The following MCC variants were observed in gnomAD, a reference collection of about 807,000 sequenced individuals.
MCC encodes colorectal mutant cancer protein.
MCC carries 90 observed loss-of-function variants against 116.2 expected under a neutral mutation model. That is an observed-to-expected ratio of 0.77 (90% CI 0.65 to 0.92). The LOEUF (loss-of-function observed/expected upper bound fraction) is 0.92. Ranked by LOEUF, MCC falls within the 40% of genes least tolerant of loss-of-function variation. The probability of loss-of-function intolerance (pLI) is 0.00; values close to 1 mark genes in which losing one functional copy is unlikely to be tolerated. For missense variants in MCC, 1,516 were observed against 1,312.2 expected (o/e 1.16, Z -2.40); for synonymous variants, 578 against 510.5 (o/e 1.13, Z -1.78).
At chr5:113,027,948 T>C (rs1750684593) in intron 18 of MCC, among the ~76,000 whole-genome samples, 1 of 152,226 alleles carries the variant, frequency 6.6e-6, no homozygotes, top group Admixed American at 6.5e-5. Flanking sequence ...CCCTTTATGC[T>C]TTGGGCTGGT....
chr5:113,371,034 A>G (rs1768824942), intron 2 of MCC, among the ~76,000 whole-genome samples: 1 of 152,184 alleles, frequency 6.6e-6, no homozygotes, highest in Admixed American at 6.5e-5. Flanking sequence ...CCTGGCCAAC[A>G]TGATGAAACC....
At chr5:113,485,130 A>C (rs936131358) in intron 1 of MCC, among the ~76,000 whole-genome samples, 2 of 152,144 alleles carry the variant, frequency 1.3e-5, no homozygotes, top group Non-Finnish European at 2.9e-5. Flanking sequence ...CCTGATAGGA[A>C]GACTGGGCCA....
intron 3 of MCC, among the ~76,000 whole-genome samples, chr5:113,167,555 C>T (rs1331413421): frequency 6.6e-6 from 1 of 152,086 alleles, no homozygotes; most frequent in Non-Finnish European, 1.5e-5. Context: ...CAGACTGAAA[C>T]TCTCTAGACT....
At chr5:113,144,853 T>C (rs910212341) in intron 4 of MCC, among the ~76,000 whole-genome samples, 1 of 152,168 alleles carries the variant, frequency 6.6e-6, no homozygotes, top group African/African-American at 2.4e-5. Flanking sequence ...AGTGACAACC[T>C]GAAACATCAA....
intron 1 of MCC, among the ~76,000 whole-genome samples, chr5:113,421,064 C>A (rs1770320823): frequency 6.6e-6 from 1 of 151,798 alleles, no homozygotes; most frequent in Non-Finnish European, 1.5e-5. Flanking sequence ...CACTCTGTTG[C>A]CTAGGCTGGA....
chr5:113,388,822 G>C (rs1391792640), intron 1 of MCC, among the ~76,000 whole-genome samples: 3 of 152,168 alleles, frequency 2.0e-5, no homozygotes, highest in Non-Finnish European at 4.4e-5. Context: ...TGATATGACA[G>C]TTGAAAGAGT....
rs139946830 is a variant in MCC, at chr5:113,099,057, A to G, written c.1398+2682T>C. 2.7e-3 allele frequency among the ~76,000 whole-genome samples: 407 copies of G among 152,256 alleles called. 1 individual carries two copies. The highest frequency in any genetic ancestry group is 4.2e-3 in the Non-Finnish European group (287 of 68,008). ...GGTGGGTGGGTGAGTGACGGCTGGA[A>G]GAAGACTTTTGGCACTTAAAGTCTA... is the stretch of plus-strand genomic sequence containing the variant. On this transcript the variant is annotated intron_variant, in intron 8 of 18. Coordinates refer to ENST00000408903, the MANE Select transcript of MCC (RefSeq NM_001085377.2).
chr5:113,302,038 C>A (rs907606122), intron 3 of MCC, among the ~76,000 whole-genome samples: 6 of 152,180 alleles, frequency 3.9e-5, no homozygotes, highest in Non-Finnish European at 8.8e-5. Context: ...AAGGACAGTT[C>A]CTCCCTCATA....
At chr5:113,369,614 G>C (rs1192903774) in intron 2 of MCC, among the ~76,000 whole-genome samples, 1 of 152,014 alleles carries the variant, frequency 6.6e-6, no homozygotes, top group Non-Finnish European at 1.5e-5. Flanking sequence ...GAATTCTTCA[G>C]ATGTTTGTTG....
intron 11 of MCC, among the ~76,000 whole-genome samples, chr5:113,074,286 C>A (rs1378673339): frequency 2.0e-5 from 3 of 152,220 alleles, no homozygotes; most frequent in Admixed American, 1.3e-4. Flanking sequence ...AGTGGACCTC[C>A]AGCAAACTCC....
intron 5 of MCC, among the ~76,000 whole-genome samples, chr5:113,138,048 T>C (rs116494465): frequency 1.4e-4 from 19 of 136,938 alleles, no homozygotes; most frequent in Non-Finnish European, 2.1e-4. Flanking sequence ...TTTTTTTTTT[T>C]CTCTGTTACC....
intron 2 of MCC, among the ~76,000 whole-genome samples, chr5:113,367,988 CA>C (rs1044368724): frequency 7.9e-5 from 12 of 152,224 alleles, no homozygotes; most frequent in African/African-American, 2.6e-4. Flanking sequence ...GTTTTATGAT[CA>C]GTGGGAATAC....
chr5:113,034,235 C>A (rs1025503870), intron 17 of MCC, among the ~76,000 whole-genome samples: 1 of 152,014 alleles, frequency 6.6e-6, no homozygotes, highest in African/African-American at 2.4e-5. Context: ...TGGTACGTTT[C>A]AAGGCAGTGG....
intron 3 of MCC, among the ~76,000 whole-genome samples, chr5:113,305,328 T>C (rs1353016734): frequency 2.0e-5 from 3 of 152,192 alleles, no homozygotes; most frequent in African/African-American, 7.2e-5. Context: ...TCCTTTCAAA[T>C]TGGCATCTCC....
intron 6 of MCC, among the ~76,000 whole-genome samples, chr5:113,106,934 C>T (rs1007988496): frequency 2.0e-5 from 3 of 152,212 alleles, no homozygotes; most frequent in Non-Finnish European, 4.4e-5. Flanking sequence ...CATGGAGTTT[C>T]ACCTCCTCCC....
Position 113,226,373 on chromosome 5 carries a change from T to A in MCC, c.628-74951A>T, listed in dbSNP as rs556468018. On this transcript the variant is annotated intron_variant, in intron 3 of 18. Transcript: ENST00000408903. ...AGCCATGATGGAGAAAAATGAGATG[T>A]GCTCAGATTTTAGTTTGCAGTCAAC... 3.9e-5 allele frequency among the ~76,000 whole-genome samples: 6 copies of A among 152,338 alleles called. No individual in the cohort carries two copies. The East Asian group carries it at 1.2e-3, about 29-fold the overall frequency.
chr5:113,304,210 C>CT (rs1411979915), intron 3 of MCC, among the ~76,000 whole-genome samples: 2 of 152,188 alleles, frequency 1.3e-5, no homozygotes, highest in Admixed American at 1.3e-4. Flanking sequence ...ATGAAGTCAG[C>CT]TACACTGCTT....
intron 3 of MCC, among the ~76,000 whole-genome samples, chr5:113,223,305 G>A (rs1763618599): frequency 6.6e-6 from 1 of 152,130 alleles, no homozygotes; most frequent in Admixed American, 6.5e-5. Flanking sequence ...AAAACTCTGG[G>A]ACTTCACAAA....
intron 17 of MCC, among the ~76,000 whole-genome samples, chr5:113,040,312 C>T (rs1751612918): frequency 6.6e-6 from 1 of 151,930 alleles, no homozygotes; most frequent in Non-Finnish European, 1.5e-5. Flanking sequence ...GTGTCATGAC[C>T]CAGAACCAGT....
Sources: gnomAD v4.1 joint callset for allele counts (sites outside exome capture counted in the v4.1 genomes callset) on GRCh38, gnomAD v4.1.1 for gene constraint, MANE v1.5 for transcripts, NCBI Gene and HGNC (gene_info 2026-07-23, HGNC 2026-07-21) for gene names.